Variants in TMTC4 observed in about 807,000 individuals in gnomAD.
TMTC4 encodes the protein transmembrane O-mannosyltransferase targeting cadherins 4.
A neutral mutation model predicts 86.0 loss-of-function variants in TMTC4; 65 were observed. The ratio of observed to expected loss-of-function variants is 0.76; its 90% CI spans 0.62 to 0.93. TMTC4 has a LOEUF of 0.93. Among genes scored for constraint, TMTC4 ranks in the 40% least tolerant of loss-of-function variants. The pLI, the probability that TMTC4 is intolerant of heterozygous loss-of-function variation, is 0.00. For synonymous variants in TMTC4, 379 were observed against 382.5 expected (o/e 0.99, Z 0.11); for missense variants, 866 against 948.1 (o/e 0.91, Z 1.14).
At chr13:100,615,159 ATAGAG>A (rs1878272023) in intron 15 of TMTC4, among the ~76,000 whole-genome samples, 2 of 152,192 alleles carry the variant, frequency 1.3e-5, no homozygotes, top group Middle Eastern at 3.4e-3. Context: ...TATTTTTGAG[ATAGAG>A]TCTCACACTG....
upstream of TMTC4, chr13:100,674,860 C>A (rs1160231879): frequency 1.0e-6 from 1 of 975,696 alleles, no homozygotes. Context: ...ACCCGACCCC[C>A]CCCGCGCCGC....
chr13:100,631,174 G>C (rs893283223), intron 12 of TMTC4, among the ~76,000 whole-genome samples: 2 of 152,192 alleles, frequency 1.3e-5, no homozygotes, highest in African/African-American at 2.4e-5. Context: ...CAATGAACTA[G>C]CACAGAAGTC....
At chr13:100,659,570 G>C (rs2139013191) in intron 5 of TMTC4, among the ~76,000 whole-genome samples, 2 of 152,110 alleles carry the variant, frequency 1.3e-5, no homozygotes. Flanking sequence ...GGAAGCGCTG[G>C]GGTCCTCCTG....
chr13:100,636,509 T>C (rs769500101), intron 10 of TMTC4, 23 bp downstream of exon 10: 1 of 1,613,780 alleles, frequency 6.2e-7, no homozygotes, highest in South Asian at 1.1e-5. Context: ...GCGTGGAACT[T>C]AAGATTCAGT....
At chr13:100,615,255 A>G (rs751297521) in intron 15 of TMTC4, among the ~76,000 whole-genome samples, 35 of 151,366 alleles carry the variant, frequency 2.3e-4, no homozygotes, top group Non-Finnish European at 4.1e-4. Context: ...CTCCCGCTTC[A>G]GCCTTCTGAG....
intron 1 of TMTC4, among the ~76,000 whole-genome samples, chr13:100,671,659 G>A (rs1235153113): frequency 2.6e-5 from 4 of 152,014 alleles, no homozygotes; most frequent in African/African-American, 4.8e-5. Context: ...TACCTCCAAC[G>A]CCCCTGCCCC....
chr13:100,669,691 C>T (rs1226757370), intron 2 of TMTC4, among the ~76,000 whole-genome samples: 14 of 152,156 alleles, frequency 9.2e-5, no homozygotes, highest in Admixed American at 8.5e-4. Flanking sequence ...AGCATCTTAA[C>T]GCCCAGTGGT....
In TMTC4 at chr13:100,605,080, G is replaced by A. The variant is rs1436482544; in HGVS notation, c.2197C>T (p.Gln733Ter). 1.9e-6 allele frequency: 3 copies of A among 1,613,946 alleles called. No homozygotes were observed. Among genetic ancestry groups the A allele is most frequent in the Non-Finnish European group, 2.5e-6 (3 of 1,180,006 alleles). Residue 733 changes from glutamine to a stop codon, truncating the protein, a stop_gained, in exon 19 of 19, where the codon CAG becomes TAG. Transcript: ENST00000342624. LOFTEE classifies it high-confidence loss of function. The surrounding 1 kb of genome is among the most constrained non-coding windows in gnomAD (Gnocchi z 4.3). Reference protein sequence around the residue: ...LAKKHYEISLQLDPTASGTKE... With the variant: ...LAKKHYEISL Reference sequence around the variant, plus strand: ...GTTCCTGATGCCGTGGGGTCAAGCTGCAAGGAGATTTCATAGTGTTTCTTG... The same window carrying A: ...GTTCCTGATGCCGTGGGGTCAAGCTACAAGGAGATTTCATAGTGTTTCTTG...
At chr13:100,670,627 T>G (rs897577486) in intron 1 of TMTC4, 58 bp from the exon 2 acceptor site, 1 of 406,186 alleles carries the variant, frequency 2.5e-6, no homozygotes, top group Non-Finnish European at 4.3e-6. Flanking sequence ...ACATTTCAGC[T>G]AAAGAAATTA....
chr13:100,611,757 A>T (rs1877621738), intron 17 of TMTC4, among the ~76,000 whole-genome samples: 2 of 152,204 alleles, frequency 1.3e-5, no homozygotes, highest in Non-Finnish European at 2.9e-5. Flanking sequence ...TTCAACACAC[A>T]GGGAGTTATG....
chr13:100,626,901 C>G (rs1403866751), intron 12 of TMTC4, among the ~76,000 whole-genome samples: 3 of 152,152 alleles, frequency 2.0e-5, no homozygotes, highest in African/African-American at 7.2e-5. Context: ...GAAGTAGGGC[C>G]TCTGGGAAGT....
intron 6 of TMTC4, among the ~76,000 whole-genome samples, chr13:100,644,821 C>CTT (rs35998489): frequency 2.8e-3 from 421 of 149,224 alleles, no homozygotes; most frequent in Non-Finnish European, 5.1e-3. Flanking sequence ...AACGAACATA[C>CTT]TTTTTTTTTT....
At chr13:100,644,811 A>T (rs1467762662) in intron 6 of TMTC4, among the ~76,000 whole-genome samples, 1 of 145,864 alleles carries the variant, frequency 6.9e-6, no homozygotes, top group Non-Finnish European at 1.5e-5. Flanking sequence ...CATAAAACAC[A>T]ACGAACATAC....
chr13:100,628,889 C>T (rs543839803), intron 12 of TMTC4, among the ~76,000 whole-genome samples: 2 of 152,338 alleles, frequency 1.3e-5, no homozygotes, highest in South Asian at 4.1e-4. Flanking sequence ...TGCCTCATGC[C>T]TGTAATCCTA....
chr13:100,640,396 T>C (rs1882859392), intron 7 of TMTC4, among the ~76,000 whole-genome samples: 1 of 152,134 alleles, frequency 6.6e-6, no homozygotes, highest in Non-Finnish European at 1.5e-5. Context: ...CTCATGAAAT[T>C]CAAGTATCTT....
intron 6 of TMTC4, among the ~76,000 whole-genome samples, chr13:100,646,752 C>G (rs1883805677): frequency 6.6e-6 from 1 of 152,176 alleles, no homozygotes; most frequent in African/African-American, 2.4e-5. Flanking sequence ...ATTTTACTTG[C>G]AGAAATTAAT....
intron 5 of TMTC4, among the ~76,000 whole-genome samples, chr13:100,657,696 G>A (rs1442423059): frequency 6.6e-6 from 1 of 152,212 alleles, no homozygotes; most frequent in Admixed American, 6.5e-5. Flanking sequence ...GGATGGGGAT[G>A]TGATATATGA....
intron 12 of TMTC4, among the ~76,000 whole-genome samples, chr13:100,632,340 A>G (rs1042083963): frequency 7.9e-5 from 12 of 152,362 alleles, no homozygotes; most frequent in African/African-American, 2.4e-4. Flanking sequence ...CTGGGAAAAC[A>G]GAGAAAATAA....
intron 1 of TMTC4, chr13:100,674,477 G>C: frequency 2.2e-6 from 2 of 916,658 alleles, no homozygotes; most frequent in Non-Finnish European, 2.6e-6. Context: ...GAAGCTCAGG[G>C]GCCCGAGCGC....
Sources: allele counts gnomAD v4.1 joint callset (sites outside exome capture counted in the v4.1 genomes callset), GRCh38; gene constraint gnomAD v4.1.1; non-coding constraint Gnocchi (gnomAD v3.1); transcripts MANE v1.5; gene names NCBI Gene and HGNC (gene_info 2026-07-23, HGNC 2026-07-21).